Variants in LRP1B observed in about 807,000 individuals in gnomAD.
LRP1B encodes the protein low-density lipoprotein receptor-related protein 1B.
Under a neutral mutation model 556.6 loss-of-function variants are expected in LRP1B, and 217 were observed. That is an observed-to-expected ratio of 0.39 (90% confidence interval 0.35 to 0.44). The LOEUF is 0.44. LRP1B is among the 20% of genes least tolerant of loss of function. LRP1B has a pLI of 1.00. For missense variants in LRP1B, 5,053 were observed against 5,620.8 expected (o/e 0.90, Z 3.23); for synonymous variants, 2,047 against 1,865.8 (o/e 1.10, Z -2.50).
Position 140,769,434 on chromosome 2 carries a change from A to G in LRP1B, c.5627-90T>C, listed in dbSNP as rs1427283434. ...AATTTCATTTGTATTATTTTTAACA[A>G]TCTTAATTTATGTTAACAAATGTAT... On this transcript the variant is annotated intron_variant, in intron 34 of 90. Transcript: ENST00000389484. 13 of 1,315,126 alleles carry G rather than the reference A, an allele frequency of 9.9e-6. No individual in the cohort carries two copies. The East Asian group carries it at 2.9e-4, about 29-fold the overall frequency. The allele number at this position is 1,315,126 out of a possible 1,614,324, so 81.5% of individuals were successfully genotyped here. A position where few individuals can be genotyped will look rare whatever the true frequency, so the allele number is the denominator to read the frequency against.
rs529828291 is a variant in LRP1B at position 140,864,583 on chromosome 2, C to T, written c.4579+3007G>A. On this transcript the variant is annotated intron_variant, in intron 27 of 90. Transcript: ENST00000389484. The stretch of plus-strand genomic sequence containing the variant: ...TTATTTAATGCTTCATTATATAATC[C>T]CAGATCTCATTATCCAAAGAAAAAC... 4.0e-5 allele frequency among the ~76,000 whole-genome samples: 6 copies of T among 151,884 alleles called. No individual in the cohort carries two copies. In the East Asian group the frequency reaches 1.2e-3, roughly 29 times the overall value.
intron 10 of LRP1B, among the ~76,000 whole-genome samples, chr2:141,051,096 A>G (rs1192260217): frequency 6.6e-6 from 1 of 152,174 alleles, no homozygotes; most frequent in Non-Finnish European, 1.5e-5. Flanking sequence ...CGCACCAGTC[A>G]AAATGGCAAT....
At chr2:141,902,481 C>T (rs143309040) in intron 1 of LRP1B, among the ~76,000 whole-genome samples, 79 of 151,952 alleles carry the variant, frequency 5.2e-4, no homozygotes, top group African/African-American at 1.9e-3. Context: ...AAGCCTATTC[C>T]GGGGGCTTCA....
intron 18 of LRP1B, among the ~76,000 whole-genome samples, chr2:140,966,136 T>G (rs1696214236): frequency 6.6e-6 from 1 of 152,238 alleles, no homozygotes; most frequent in African/African-American, 2.4e-5. Flanking sequence ...CCACACCGTC[T>G]TCTACAATGG....
intron 3 of LRP1B, among the ~76,000 whole-genome samples, chr2:141,318,219 A>G (rs16845762): frequency 0.53 from 80,803 of 152,000 alleles, 22,508 homozygotes; most frequent in Middle Eastern, 0.62. Flanking sequence ...ACTAACACAA[A>G]GATTTGTAAC....
chr2:140,916,161 C>T (rs1290723806), intron 21 of LRP1B, among the ~76,000 whole-genome samples: 2 of 152,052 alleles, frequency 1.3e-5, no homozygotes, highest in Admixed American at 1.3e-4. Context: ...ATATTATTTT[C>T]ATCAGAAATA....
At chr2:140,547,847 C>A (rs911405626) in intron 43 of LRP1B, among the ~76,000 whole-genome samples, 2 of 150,382 alleles carry the variant, frequency 1.3e-5, no homozygotes, top group Non-Finnish European at 3.0e-5. Flanking sequence ...ATTTTAAAAT[C>A]AAATTAAATA....
intron 84 of LRP1B, among the ~76,000 whole-genome samples, chr2:140,291,098 C>T (rs1405371921): frequency 6.6e-6 from 1 of 151,316 alleles, no homozygotes; most frequent in Non-Finnish European, 1.5e-5. Context: ...GAAAATATTA[C>T]ACATGTTTAC....
chr2:141,862,466 T>C (rs1285672782), intron 1 of LRP1B, among the ~76,000 whole-genome samples: 1 of 152,028 alleles, frequency 6.6e-6, no homozygotes, highest in Non-Finnish European at 1.5e-5. Context: ...GAGTATAATG[T>C]TGTACAAATC....
At chr2:140,437,971 CATG>C (rs1686258650) in intron 66 of LRP1B, among the ~76,000 whole-genome samples, 1 of 152,116 alleles carries the variant, frequency 6.6e-6, no homozygotes, top group Non-Finnish European at 1.5e-5. Context: ...ACTTACATAA[CATG>C]ATACTTGTTA....
At chr2:140,366,928 G>T (rs184681511) in intron 71 of LRP1B, among the ~76,000 whole-genome samples, 3 of 151,674 alleles carry the variant, frequency 2.0e-5, no homozygotes, top group African/African-American at 7.3e-5. Context: ...TGAGGGTACA[G>T]GAGAGCAAAA....
At chr2:141,265,589 G>A (rs550675312) in intron 3 of LRP1B, among the ~76,000 whole-genome samples, 1 of 152,220 alleles carries the variant, frequency 6.6e-6, no homozygotes, top group East Asian at 1.9e-4. Context: ...AATATGCAAT[G>A]TGCTAAGGAA....
intron 37 of LRP1B, 34 bp from the exon 38 acceptor site, chr2:140,702,587 T>G: frequency 1.2e-6 from 2 of 1,604,468 alleles, no homozygotes; most frequent in Non-Finnish European, 1.7e-6. Flanking sequence ...AGTGTTTATG[T>G]ACATTTATTT....
rs180745407 is a variant in LRP1B, at chr2:140,425,514, G to A, written c.10414+16990C>T. Among the ~76,000 whole-genome samples the A allele has an allele frequency of 1.6e-4, 24 of 152,152 alleles. No homozygotes were observed. In the East Asian group the frequency reaches 4.3e-3, roughly 27 times the overall value. On this transcript the variant is annotated intron_variant, in intron 66 of 90. Transcript: ENST00000389484. ...CAACTTCCACCTCCTGGGTTCAAGC[G>A]ATTCTCCTGCCTCAGCCTCCTGAGT...
chr2:141,176,686 T>G (rs1327360833), intron 7 of LRP1B, among the ~76,000 whole-genome samples: 1 of 151,958 alleles, frequency 6.6e-6, no homozygotes, highest in Non-Finnish European at 1.5e-5. Context: ...AACAAACTTT[T>G]AATAGATGAT....
chr2:142,031,937 A>G (rs1212076532), intron 1 of LRP1B, among the ~76,000 whole-genome samples: 3 of 151,842 alleles, frequency 2.0e-5, no homozygotes, highest in Non-Finnish European at 4.4e-5. Flanking sequence ...AGAATGCCCC[A>G]CACAGACTGG....
chr2:140,977,621 A>G (rs998079981), intron 18 of LRP1B, among the ~76,000 whole-genome samples: 5 of 151,986 alleles, frequency 3.3e-5, no homozygotes, highest in Non-Finnish European at 5.9e-5. Flanking sequence ...GTTGTTCTCC[A>G]TACTGGTAAA....
chr2:140,316,743 AT>A (rs1265208163), intron 82 of LRP1B, among the ~76,000 whole-genome samples: 4 of 152,104 alleles, frequency 2.6e-5, no homozygotes, highest in East Asian at 1.9e-4. Context: ...GGGAAAAAAA[AT>A]ATAAAATATA....
intron 2 of LRP1B, among the ~76,000 whole-genome samples, chr2:141,690,392 T>TATAAATAAATAAATAA (rs1553448655): frequency 1.3e-3 from 46 of 34,868 alleles, no homozygotes; most frequent in South Asian, 8.8e-3. Context: ...GGATTACATC[T>TATAAATAAATAAATAA]ATAAATATAT....
Sources: allele counts gnomAD v4.1 joint callset (sites outside exome capture counted in the v4.1 genomes callset), GRCh38; gene constraint gnomAD v4.1.1; transcripts MANE v1.5; gene names NCBI Gene and HGNC (gene_info 2026-07-23, HGNC 2026-07-21).